NBEA: variants seen among roughly 807,000 people sequenced by gnomAD.
NBEA encodes lysosomal-trafficking regulator 2.
In NBEA, 44 loss-of-function variants were observed where a neutral mutation model predicts 343.4. The observed-to-expected ratio is 0.13, with a 90% CI of 0.10 to 0.16. NBEA has a LOEUF of 0.16. Ranked by LOEUF, NBEA falls within the 10% of genes least tolerant of loss-of-function variation. The pLI is 1.00. For synonymous variants in NBEA, 1,175 were observed against 1,238.7 expected (o/e 0.95, Z 1.08); for missense variants, 2,555 against 3,631.3 (o/e 0.70, Z 7.62).
At chr13:35,112,658 A>G (rs1242413402) in intron 13 of NBEA, among the ~76,000 whole-genome samples, 3 of 152,326 alleles carry the variant, frequency 2.0e-5, no homozygotes, top group African/African-American at 7.2e-5. Context: ...CAAAGTTGCA[A>G]GCATTGCACA....
intron 33 of NBEA, among the ~76,000 whole-genome samples, chr13:35,219,071 C>A (rs1431899230): frequency 6.6e-6 from 1 of 152,020 alleles, no homozygotes; most frequent in African/African-American, 2.4e-5. Context: ...TTTTTGCTGG[C>A]ATAAAGCTTT....
At chr13:34,943,965 G>A (rs2059113803) in intron 1 of NBEA, among the ~76,000 whole-genome samples, 3 of 152,218 alleles carry the variant, frequency 2.0e-5, no homozygotes, top group Non-Finnish European at 4.4e-5. Flanking sequence ...GCTCAGAAGC[G>A]TTTAAGATGT....
At chr13:35,656,544 C>T (rs1391505979) in intron 55 of NBEA, among the ~76,000 whole-genome samples, 2 of 152,182 alleles carry the variant, frequency 1.3e-5, no homozygotes, top group Non-Finnish European at 2.9e-5. Context: ...CAAGAAAACA[C>T]TAAAGTAGAT....
At chr13:35,379,628 A>G (rs964178442) in intron 38 of NBEA, among the ~76,000 whole-genome samples, 3 of 151,930 alleles carry the variant, frequency 2.0e-5, no homozygotes, top group African/African-American at 7.2e-5. Flanking sequence ...TTTTCTTCCA[A>G]AAGCTTTCTT....
intron 34 of NBEA, among the ~76,000 whole-genome samples, chr13:35,270,840 AG>A (rs1284633230): frequency 6.6e-6 from 1 of 152,192 alleles, no homozygotes; most frequent in East Asian, 1.9e-4. Flanking sequence ...ACAAAGCAGC[AG>A]GGAAGCTTGA....
rs116978328 is a variant in NBEA at position 35,230,953 on chromosome 13, A to G, written c.5649-1539A>G. Among the ~76,000 whole-genome samples the G allele has an allele frequency of 9.6e-4, 146 of 152,172 alleles. 4 individuals carry two copies. The East Asian group carries it at 0.023, about 24-fold the overall frequency. The stretch of plus-strand genomic sequence containing the variant: ...GACTCTCCAGATAATTCTGATCCAC[A>G]TTAAAGCTTGAGAACCAGTGTCTTC... On this transcript the variant is annotated intron_variant, in intron 33 of 58. Coordinates refer to ENST00000379939, the MANE Select transcript of NBEA (RefSeq NM_001385012.1).
At chr13:35,420,687 G>A (rs1464529262) in intron 38 of NBEA, among the ~76,000 whole-genome samples, 1 of 151,906 alleles carries the variant, frequency 6.6e-6, no homozygotes, top group African/African-American at 2.4e-5. Flanking sequence ...TTCTTTAATT[G>A]TTACAGAGTT....
At chr13:35,432,238 T>C (rs180918661) in intron 38 of NBEA, 31 bp from the exon 39 acceptor site, 1 of 1,556,834 alleles carries the variant, frequency 6.4e-7, no homozygotes, top group Non-Finnish European at 8.7e-7. Context: ...TTGTTATTAA[T>C]AGGGATTACT....
At chr13:35,175,620 G>T (rs550206505) in intron 27 of NBEA, among the ~76,000 whole-genome samples, 1 of 152,266 alleles carries the variant, frequency 6.6e-6, no homozygotes, top group East Asian at 1.9e-4. Context: ...TATTTATCTG[G>T]CAAGAACTTT....
At chr13:35,300,269 A>G (rs988287904) in intron 35 of NBEA, among the ~76,000 whole-genome samples, 1 of 152,178 alleles carries the variant, frequency 6.6e-6, no homozygotes, top group African/African-American at 2.4e-5. Flanking sequence ...GGTTGCAGTG[A>G]GCCGAGATCG....
At chr13:35,026,208 C>G (rs2062015256) in intron 1 of NBEA, among the ~76,000 whole-genome samples, 1 of 152,092 alleles carries the variant, frequency 6.6e-6, no homozygotes, top group African/African-American at 2.4e-5. Context: ...TGAAGAGATG[C>G]CTTCTGCCAT....
intron 49 of NBEA, among the ~76,000 whole-genome samples, chr13:35,634,527 T>C (rs2083613016): frequency 6.6e-6 from 1 of 152,216 alleles, no homozygotes; most frequent in African/African-American, 2.4e-5. Flanking sequence ...GAACTTGTCA[T>C]AATACTTGTC....
At chr13:35,174,796 A>ATT (rs1218459341) in intron 27 of NBEA, among the ~76,000 whole-genome samples, 4 of 143,510 alleles carry the variant, frequency 2.8e-5, no homozygotes, top group African/African-American at 5.1e-5. Context: ...CTTCAGAGTA[A>ATT]TTTTTTTTTT....
intron 38 of NBEA, among the ~76,000 whole-genome samples, chr13:35,365,776 T>A (rs1353718262): frequency 6.6e-6 from 1 of 151,772 alleles, no homozygotes; most frequent in Non-Finnish European, 1.5e-5. Flanking sequence ...ATTTGAATTC[T>A]GACCGCCTTT....
At chr13:35,446,037 A>G (rs982386256) in intron 39 of NBEA, among the ~76,000 whole-genome samples, 24 of 150,858 alleles carry the variant, frequency 1.6e-4, no homozygotes, top group Admixed American at 2.7e-4. Context: ...TCATTGTTCA[A>G]TTCCCACCTA....
chr13:35,584,053 T>C lies in NBEA; in HGVS notation c.7176+15T>C. 6.2e-7 allele frequency: 1 copy of C among 1,611,582 alleles called. No individual in the cohort carries two copies. Among genetic ancestry groups the C allele is most frequent in the East Asian group, 2.2e-5 (1 of 44,792 alleles). On this transcript the variant is annotated intron_variant, in intron 46 of 58. Coordinates refer to ENST00000379939, the MANE Select transcript of NBEA (RefSeq NM_001385012.1). Reference sequence around the variant, plus strand: ...TTGTTCGAATTGTGAGTATCTTCATTGAGTTAGCTTGCCTTTGGTACCTTA... The same window carrying C: ...TTGTTCGAATTGTGAGTATCTTCATCGAGTTAGCTTGCCTTTGGTACCTTA...
At chr13:35,389,568 A>G (rs535389882) in intron 38 of NBEA, among the ~76,000 whole-genome samples, 9 of 152,266 alleles carry the variant, frequency 5.9e-5, no homozygotes, top group African/African-American at 1.9e-4. Context: ...AATTTTTTAA[A>G]TGAGATTAGA....
chr13:35,358,483 G>T (rs1408563368), intron 38 of NBEA, among the ~76,000 whole-genome samples: 2 of 151,972 alleles, frequency 1.3e-5, no homozygotes, highest in Admixed American at 1.3e-4. Context: ...TTGGGAGGCT[G>T]AGGTGGGCAG....
At chr13:35,415,627 G>T (rs548349910) in intron 38 of NBEA, among the ~76,000 whole-genome samples, 48 of 152,198 alleles carry the variant, frequency 3.2e-4, no homozygotes, top group East Asian at 1.4e-3. Context: ...TGCTGTTTTG[G>T]TTACTGTAGC....
Sources: gnomAD v4.1 joint callset for allele counts (sites outside exome capture counted in the v4.1 genomes callset) on GRCh38, gnomAD v4.1.1 for gene constraint, MANE v1.5 for transcripts, NCBI Gene and HGNC (gene_info 2026-07-23, HGNC 2026-07-21) for gene names.